Variants in UGT2B7 observed in about 807,000 individuals in gnomAD.
UGT2B7 encodes UDP-glucuronosyltransferase 2B7.
UGT2B7 carries 51 observed loss-of-function variants against 51.9 expected under a neutral mutation model. The ratio of observed to expected loss-of-function variants is 0.98; its 90% CI spans 0.78 to 1.24. The LOEUF is 1.24. Ranked by LOEUF, UGT2B7 falls within the 50% of genes most tolerant of loss-of-function variation. The pLI is 0.00. For missense variants in UGT2B7, 727 were observed against 628.4 expected (o/e 1.16, Z -1.68); for synonymous variants, 225 against 211.6 (o/e 1.06, Z -0.55).
chr4:69,094,142 T>C (rs1420193393), upstream of UGT2B7, among the ~76,000 whole-genome samples: 1 of 25,362 alleles, frequency 3.9e-5, no homozygotes, highest in Non-Finnish European at 5.8e-5. Context: ...TTTTTTTTTT[T>C]TTTTTTTTTT....
intron 4 of UGT2B7, among the ~76,000 whole-genome samples, chr4:69,107,619 T>G (rs1208742556): frequency 1.3e-5 from 2 of 152,114 alleles, no homozygotes; most frequent in Non-Finnish European, 2.9e-5. Context: ...AAATAATAGC[T>G]CTTCTATCAC....
intron 1 of UGT2B7, among the ~76,000 whole-genome samples, chr4:69,083,780 A>G (rs4522933): frequency 0.58 from 87,580 of 151,736 alleles, 26,273 homozygotes; most frequent in African/African-American, 0.71. Flanking sequence ...AGAGCTTTTG[A>G]TGGAGTCTTT....
At chr4:69,074,796 G>A (rs1718668288) in intron 1 of UGT2B7, among the ~76,000 whole-genome samples, 2 of 151,952 alleles carry the variant, frequency 1.3e-5, no homozygotes, top group African/African-American at 4.8e-5. Context: ...GTTTTCACAA[G>A]CATCTATTCA....
At chr4:69,057,228 T>A (rs1718224881) in intron 1 of UGT2B7, among the ~76,000 whole-genome samples, 1 of 152,198 alleles carries the variant, frequency 6.6e-6, no homozygotes. Flanking sequence ...ATTGTGTATT[T>A]GGGGAGCTCA....
intron 4 of UGT2B7, 26 bp from the exon 5 acceptor site, chr4:69,108,077 T>A: frequency 6.2e-7 from 1 of 1,610,158 alleles, no homozygotes; most frequent in Non-Finnish European, 8.5e-7. Context: ...CTATGAGTAA[T>A]TTTGCTAAAA....
Position 69,096,951 on chromosome 4 carries a change from G to C in UGT2B7, c.431G>C (p.Arg144Thr), listed in dbSNP as rs778529315. 3 of 1,613,390 alleles carry C rather than the reference G, an allele frequency of 1.9e-6. No individual in the cohort carries two copies. Among genetic ancestry groups the C allele is most frequent in the South Asian group, 2.2e-5 (2 of 90,870 alleles). ...TTTATGAAAAAAGTACAAGAGTCAA[G>C]ATTTGACGTCATTTTTGCAGATGCT... The part of the protein sequence containing the change: ...KKFMKKVQES[R>T]FDVIFADAIF... The change falls in exon 1 of 6, where the codon AGA becomes ACA. Residue 144 changes from arginine to threonine, a missense_variant. By Grantham distance (71) the Arg-to-Thr change is moderately conservative. Transcript: ENST00000305231.
At chr4:69,069,550 G>A (rs1343340547) in intron 1 of UGT2B7, 2 of 151,540 alleles carry the variant, frequency 1.3e-5, no homozygotes, top group African/African-American at 4.9e-5. Flanking sequence ...CTTTTATGTG[G>A]CACTCATTTT....
intron 1 of UGT2B7, among the ~76,000 whole-genome samples, chr4:69,064,429 G>T (rs141080882): frequency 1.3e-5 from 2 of 152,184 alleles, no homozygotes; most frequent in Non-Finnish European, 2.9e-5. Flanking sequence ...GTCATGAGAC[G>T]CCTGAGAAGG....
At chr4:69,086,818 A>C (rs965430334) in intron 1 of UGT2B7, among the ~76,000 whole-genome samples, 2 of 151,880 alleles carry the variant, frequency 1.3e-5, no homozygotes, top group Non-Finnish European at 2.9e-5. Context: ...ACATGAAACA[A>C]ATTTTTCTAT....
chr4:69,062,616 A>G (rs1427256501), intron 1 of UGT2B7, among the ~76,000 whole-genome samples: 1 of 152,170 alleles, frequency 6.6e-6, no homozygotes, highest in Non-Finnish European at 1.5e-5. Flanking sequence ...TGGACCAACC[A>G]GCAGGACATA....
chr4:69,106,536 A>G (rs1270690726), intron 3 of UGT2B7, among the ~76,000 whole-genome samples: 1 of 152,146 alleles, frequency 6.6e-6, no homozygotes, highest in Non-Finnish European at 1.5e-5. Flanking sequence ...TGTCGTTGCT[A>G]TTGTGAAAAG....
intron 1 of UGT2B7, among the ~76,000 whole-genome samples, chr4:69,078,069 T>C (rs1469532194): frequency 6.6e-6 from 1 of 152,134 alleles, no homozygotes; most frequent in African/African-American, 2.4e-5. Context: ...TTGTTTTTTT[T>C]CATTGGTTCT....
In UGT2B7 at chr4:69,083,968, C is replaced by A. The variant is rs552843270; in HGVS notation, c.-158-5504C>A. The stretch of plus-strand genomic sequence containing the variant: ...TTTGTCTTGTTCCAGATCTTAGAGA[C>A]AAAGCTTTCCAACTTTCCTTTTTTA... On this transcript the variant is annotated intron_variant, in intron 1 of 5. Transcript: ENST00000502942. Among the ~76,000 whole-genome samples the A allele has an allele frequency of 1.7e-4, 26 of 152,130 alleles. No homozygotes were observed. The South Asian group carries it at 5.4e-3, about 32-fold the overall frequency.
At chr4:69,062,075 A>G (rs1029704358) in intron 1 of UGT2B7, among the ~76,000 whole-genome samples, 3 of 152,190 alleles carry the variant, frequency 2.0e-5, no homozygotes, top group African/African-American at 7.2e-5. Flanking sequence ...TAAAAATAAA[A>G]TGGAAGTTGC....
At chr4:69,085,761 G>T (rs1053035733) in intron 1 of UGT2B7, among the ~76,000 whole-genome samples, 2 of 151,714 alleles carry the variant, frequency 1.3e-5, no homozygotes, top group Admixed American at 6.6e-5. Flanking sequence ...ATCCTGGTTG[G>T]TGGTATGTGT....
chr4:69,080,232 T>A (rs1249046825), intron 1 of UGT2B7, among the ~76,000 whole-genome samples: 1 of 152,094 alleles, frequency 6.6e-6, no homozygotes, highest in African/African-American at 2.4e-5. Flanking sequence ...ATATGAAATA[T>A]CTGATCCTTT....
chr4:69,064,112 A>AGAGAGAAAG (rs1718433031), intron 1 of UGT2B7, among the ~76,000 whole-genome samples: 1 of 86,802 alleles, frequency 1.2e-5, no homozygotes, highest in Admixed American at 1.1e-4. Flanking sequence ...GAAAGAAAGA[A>AGAGAGAAAG]AAAGAAAGAA....
chr4:69,061,918 C>T (rs964444263), intron 1 of UGT2B7, among the ~76,000 whole-genome samples: 14 of 152,088 alleles, frequency 9.2e-5, no homozygotes, highest in African/African-American at 3.1e-4. Context: ...TGGGTCATGG[C>T]CTTCTCCGTC....
At chr4:69,075,798 A>G (rs1718688803) in intron 1 of UGT2B7, among the ~76,000 whole-genome samples, 1 of 152,184 alleles carries the variant, frequency 6.6e-6, no homozygotes, top group Non-Finnish European at 1.5e-5. Context: ...TGTTTATTAT[A>G]CTTTAAGTTC....
Sources: gnomAD v4.1 joint callset for allele counts (sites outside exome capture counted in the v4.1 genomes callset) on GRCh38, gnomAD v4.1.1 for gene constraint, MANE v1.5 for transcripts, NCBI Gene and HGNC (gene_info 2026-07-23, HGNC 2026-07-21) for gene names.